SFMBT2: variants seen among roughly 807,000 people sequenced by gnomAD.
SFMBT2 encodes the protein scm-like with four MBT domains protein 2.
In SFMBT2, 38 loss-of-function variants were observed where a neutral mutation model predicts 110.1. The ratio of observed to expected loss-of-function variants is 0.35; its 90% CI spans 0.27 to 0.45. The LOEUF is 0.45. Ranked by LOEUF, SFMBT2 falls within the 20% of genes least tolerant of loss-of-function variation. SFMBT2 has a pLI of 1.00. For synonymous variants in SFMBT2, 425 were observed against 425.4 expected (o/e 1.00, Z 0.01); for missense variants, 1,011 against 1,094.9 (o/e 0.92, Z 1.08).
At chr10:7,383,452 C>A (rs1845484105) in intron 1 of SFMBT2, among the ~76,000 whole-genome samples, 1 of 152,136 alleles carries the variant, frequency 6.6e-6, no homozygotes, top group Non-Finnish European at 1.5e-5. Flanking sequence ...GGGGAATGTA[C>A]CAGGTACATA....
intron 12 of SFMBT2, chr10:7,204,846 C>G (rs1256180148): frequency 1.4e-6 from 1 of 712,202 alleles, no homozygotes; most frequent in African/African-American, 1.9e-5. Flanking sequence ...GCACTCCAGC[C>G]TGGGCAACAA....
In SFMBT2 at chr10:7,163,893, T is replaced by C; in HGVS notation, c.2562A>G (p.Ala854=). ...CCGTCGGAAGGGTCAGAAGCAGGAG[T>C]GCTTGGCCGTCAATATCCTGCAGGA... is the stretch of plus-strand genomic sequence containing the variant. The part of the protein sequence containing the change: ...IFQEQDIDGQ[A]LLLLTLPTVQ... Residue 854 remains alanine (A), a synonymous_variant, in exon 21 of 21, where the codon GCA becomes GCG. Coordinates refer to ENST00000397167, the MANE Select transcript of SFMBT2 (RefSeq NM_001387889.1). This position sits in a 1 kb window ranked among gnomAD's most constrained non-coding sequence, Gnocchi z 4.8. The C allele has an allele frequency of 6.2e-7, 1 of 1,612,878 alleles. No homozygotes were observed. The highest frequency in any genetic ancestry group is 8.5e-7 in the Non-Finnish European group (1 of 1,179,562).
At position 7,171,727 on chromosome 10, in the gene SFMBT2, C is replaced by T. The variant is rs1368723709; in HGVS notation, c.2415+168G>A. Among the ~76,000 whole-genome samples, 2 of 152,244 alleles carry T rather than the reference C, an allele frequency of 1.3e-5. No homozygotes were observed. The highest frequency in any genetic ancestry group is 2.4e-5 in the African/African-American group (1 of 41,464). ...ATTCTGATGCCGAAAGGCCCCTCCA[C>T]CCAGAGGTGAAGTGCCAGCCTTTGT... On this transcript the variant is annotated intron_variant, in intron 19 of 20. Coordinates refer to ENST00000397167, the MANE Select transcript of SFMBT2 (RefSeq NM_001387889.1). This position sits in a 1 kb window ranked among gnomAD's most constrained non-coding sequence, Gnocchi z 4.9.
Position 7,161,196 on chromosome 10 carries a change from C to T in SFMBT2, c.*2574G>A, listed in dbSNP as rs1312566853. The T allele has an allele frequency of 1.3e-5, 2 of 152,262 alleles. No homozygotes were observed. Among genetic ancestry groups the T allele is most frequent in the African/African-American group, 4.8e-5 (2 of 41,458 alleles). 9.4% of individuals were successfully genotyped at this position (152,262 alleles called of 1,614,324 possible). A position where few individuals can be genotyped will look rare whatever the true frequency, so the allele number is the denominator to read the frequency against. On this transcript the variant is annotated 3_prime_UTR_variant, in exon 21 of 21. Coordinates refer to ENST00000397167, the MANE Select transcript of SFMBT2 (RefSeq NM_001387889.1). Reference sequence around the variant, plus strand: ...CTGAGCTCCTGGCGGGCCACACACTCTAGCTTCCTAGATGGGCTCCAGAGA... The same window carrying T: ...CTGAGCTCCTGGCGGGCCACACACTTTAGCTTCCTAGATGGGCTCCAGAGA...
chr10:7,276,956 T>C lies in SFMBT2; in HGVS notation c.806A>G (p.Lys269Arg). The C allele has an allele frequency of 1.1e-6, 1 of 872,932 alleles. No homozygotes were observed. Among genetic ancestry groups the C allele is most frequent in the South Asian group, 1.3e-5 (1 of 76,540 alleles). The allele number at this position is 872,932 out of a possible 1,614,324, so 54.1% of individuals were successfully genotyped here. A position where few individuals can be genotyped will look rare whatever the true frequency, so the allele number is the denominator to read the frequency against. The stretch of plus-strand genomic sequence containing the variant: ...AATAAGGGATTTTTCCAGAGTACAT[T>C]TCCATTCAGAGGCCATCTTCAAAGG... ...IYPLKMASEW[K>R]CTLEKSLIDA... is the part of the protein sequence containing the mutation. The change falls in exon 7 of 21, where the codon AAA becomes AGA. Residue 269 changes from lysine to arginine, a missense_variant. Around this residue, in one of 2 missense-constraint regions of SFMBT2, gnomAD observed 979 missense variants for 1,016.1 expected, o/e 0.96. Coordinates refer to ENST00000397167, the MANE Select transcript of SFMBT2 (RefSeq NM_001387889.1).
intron 2 of SFMBT2, among the ~76,000 whole-genome samples, chr10:7,374,565 G>T (rs1428596600): frequency 6.6e-6 from 1 of 152,100 alleles, no homozygotes; most frequent in African/African-American, 2.4e-5. Flanking sequence ...AATATACAGG[G>T]TTCTACAGAC....
intron 4 of SFMBT2, among the ~76,000 whole-genome samples, chr10:7,356,443 T>C (rs1844516533): frequency 6.6e-6 from 1 of 152,090 alleles, no homozygotes; most frequent in South Asian, 2.1e-4. Flanking sequence ...TGAGATGGAG[T>C]CTCGCTCCCT....
chr10:7,229,941 A>G (rs1015645173), intron 9 of SFMBT2, among the ~76,000 whole-genome samples: 10 of 151,284 alleles, frequency 6.6e-5, no homozygotes, highest in African/African-American at 1.9e-4. Context: ...CTGGTCTCGA[A>G]CTCCTGACCT....
rs1401560775 is a variant in SFMBT2 at position 7,163,567 on chromosome 10, C to G, written c.*203G>C. On this transcript the variant is annotated 3_prime_UTR_variant, in exon 21 of 21. Coordinates refer to ENST00000397167, the MANE Select transcript of SFMBT2 (RefSeq NM_001387889.1). The surrounding 1 kb of genome is among the most constrained non-coding windows in gnomAD (Gnocchi z 4.8). The stretch of plus-strand genomic sequence containing the variant: ...CTGATGCATGACTTTAACTGGCACT[C>G]CCCAGAAGCGACTGCTGCTGTGCTT... 3.6e-6 allele frequency: 2 copies of G among 562,874 alleles called. No homozygotes were observed. The highest frequency in any genetic ancestry group is 1.9e-5 in the African/African-American group (1 of 52,556). 34.9% of individuals were successfully genotyped at this position (562,874 alleles called of 1,614,324 possible).
chr10:7,161,152 G>A lies in SFMBT2; in HGVS notation c.*2618C>T, dbSNP rs935311412. On this transcript the variant is annotated 3_prime_UTR_variant, in exon 21 of 21. Transcript: ENST00000397167. ...ACGGGAAGCAAACACTTTCCCCTGC[G>A]ACAGTGGCTGTATCCTTCCTGAGCT... 1 of 152,252 alleles carries A rather than the reference G, an allele frequency of 6.6e-6. No homozygotes were observed. Among genetic ancestry groups the A allele is most frequent in the Non-Finnish European group, 1.5e-5 (1 of 68,086 alleles). 9.4% of individuals were successfully genotyped at this position (152,252 alleles called of 1,614,324 possible). A position where few individuals can be genotyped will look rare whatever the true frequency, so the allele number is the denominator to read the frequency against.
chr10:7,164,158 T>C, intron 20 of SFMBT2: 2 of 971,720 alleles, frequency 2.1e-6, no homozygotes, highest in Non-Finnish European at 2.4e-6. Context: ...AGGCTGAGGC[T>C]GGAGGATCGC....
intron 4 of SFMBT2, among the ~76,000 whole-genome samples, chr10:7,364,359 T>C (rs918998642): frequency 2.0e-5 from 3 of 152,258 alleles, no homozygotes; most frequent in Non-Finnish European, 4.4e-5. Context: ...ATTTTTCTTT[T>C]TGAACTTGTC....
chr10:7,269,829 T>C (rs907891336), intron 7 of SFMBT2, among the ~76,000 whole-genome samples: 4 of 8,642 alleles, frequency 4.6e-4, no homozygotes, highest in East Asian at 0.067. Context: ...AGATTTCTCT[T>C]TTTTTTTTTT....
At chr10:7,246,254 C>T (rs192553328) in intron 8 of SFMBT2, 170 of 729,660 alleles carry the variant, frequency 2.3e-4, no homozygotes, top group Admixed American at 5.0e-4. Context: ...TTTCTCCCTC[C>T]CCTCAATAAG....
Position 7,378,658 on chromosome 10 carries a change from G to A in SFMBT2, c.100+3141C>T, listed in dbSNP as rs1845338017. ...GGTGGATGGATGGGTGTGAGTGTGGGTGTGTGTGGGTGTATGTGTGGATGG... is the reference window on the plus strand; with the variant it reads ...GGTGGATGGATGGGTGTGAGTGTGGATGTGTGTGGGTGTATGTGTGGATGG... On this transcript the variant is annotated intron_variant, in intron 2 of 20. Transcript: ENST00000397167. Among the ~76,000 whole-genome samples, 3 of 148,060 alleles carry A rather than the reference G, an allele frequency of 2.0e-5. No homozygotes were observed. In the South Asian group the frequency reaches 6.5e-4, roughly 32 times the overall value.
chr10:7,259,934 G>C (rs1841142048), intron 7 of SFMBT2, among the ~76,000 whole-genome samples: 1 of 152,214 alleles, frequency 6.6e-6, no homozygotes, highest in African/African-American at 2.4e-5. Context: ...CAGACCTGGT[G>C]CTGCTGTTAC....
In SFMBT2 at chr10:7,220,376, CCCCCCAGCGACTGCTA is replaced by C. The variant is rs750374189; in HGVS notation, c.1330+19_1330+34del. 6.3e-7 allele frequency: 1 copy of C among 1,591,844 alleles called. No individual in the cohort carries two copies. The highest frequency in any genetic ancestry group is 1.1e-5 in the South Asian group (1 of 89,478). ...TTGCCATTTCGACAAACTCTACATT[CCCCCCAGCGACTGCTA>C]CCCCCAGCGAGTACGTACCTTCCAG... On this transcript the variant is annotated intron_variant, in intron 11 of 20. Transcript: ENST00000397167.
Position 7,161,133 on chromosome 10 carries a change from A to T in SFMBT2, c.*2637T>A, listed in dbSNP as rs979499727. 6.6e-6 allele frequency: 1 copy of T among 152,250 alleles called. No homozygotes were observed. Among genetic ancestry groups the T allele is most frequent in the Admixed American group, 6.5e-5 (1 of 15,284 alleles). 9.4% of individuals were successfully genotyped at this position (152,250 alleles called of 1,614,324 possible). On this transcript the variant is annotated 3_prime_UTR_variant, in exon 21 of 21. Coordinates refer to ENST00000397167, the MANE Select transcript of SFMBT2 (RefSeq NM_001387889.1). ...GTCTTGGGCGCTTGGCTCCACGGGA[A>T]GCAAACACTTTCCCCTGCGACAGTG...
In SFMBT2 at chr10:7,197,541, G is replaced by T. The variant is rs773511247; in HGVS notation, c.1698+7C>A. Reference sequence around the variant, plus strand: ...AATAAGCCAAGGTGATTGTGCACGGGCTTTACCTCTTTAAGAACCAGCACG... The same window carrying T: ...AATAAGCCAAGGTGATTGTGCACGGTCTTTACCTCTTTAAGAACCAGCACG... On this transcript the variant is annotated splice_region_variant and intron_variant, in intron 15 of 20. Transcript: ENST00000397167. The T allele has an allele frequency of 6.2e-7, 1 of 1,613,830 alleles. No individual in the cohort carries two copies. Among genetic ancestry groups the T allele is most frequent in the South Asian group, 1.1e-5 (1 of 91,050 alleles).
Sources: gnomAD v4.1 joint callset for allele counts (sites outside exome capture counted in the v4.1 genomes callset) on GRCh38, gnomAD v4.1.1 for gene constraint, gnomAD v4.1.1 regional missense constraint, Gnocchi (gnomAD v3.1) non-coding constraint, MANE v1.5 for transcripts, NCBI Gene and HGNC (gene_info 2026-07-23, HGNC 2026-07-21) for gene names.